Variants in DHRSX observed in about 807,000 individuals in gnomAD.
The protein encoded by DHRSX is polyprenol dehydrogenase.
A neutral mutation model predicts 34.0 loss-of-function variants in DHRSX; 31 were observed. That is an observed-to-expected ratio of 0.91 (90% confidence interval 0.69 to 1.23). DHRSX has a LOEUF of 1.23. Ranked by LOEUF, DHRSX falls within the 50% of genes most tolerant of loss-of-function variation. The pLI is 0.00. For missense variants in DHRSX, 414 were observed against 428.1 expected, an observed-to-expected ratio of 0.97 and a Z score of 0.29; for synonymous variants, 201 against 183.8, an observed-to-expected ratio of 1.09 and a Z score of -0.76.
At chrX:2,484,110 T>C (rs1314734251) in intron 1 of DHRSX, among the ~76,000 whole-genome samples, 11 of 152,128 alleles carry the variant, frequency 7.2e-5, no homozygotes, top group Non-Finnish European at 1.2e-4. Context: ...GTACCTGGGA[T>C]TACAGGTGCC....
chrX:2,360,011 C>G (rs1193403996), intron 3 of DHRSX, among the ~76,000 whole-genome samples: 1 of 151,994 alleles, frequency 6.6e-6, no homozygotes, highest in Non-Finnish European at 1.5e-5. Context: ...ACAACAAACC[C>G]CCATGACACG....
intron 1 of DHRSX, among the ~76,000 whole-genome samples, chrX:2,453,417 C>G (rs1257689670): frequency 1.2e-4 from 18 of 151,750 alleles, no homozygotes; most frequent in African/African-American, 3.6e-4. Context: ...TGCACCTGTA[C>G]TCCCAGCTAC....
chrX:2,344,094 G>A (rs190042009), intron 3 of DHRSX, among the ~76,000 whole-genome samples: 68 of 152,314 alleles, frequency 4.5e-4, no homozygotes, highest in African/African-American at 1.3e-3. Context: ...CCATACATGG[G>A]CCTGGTTTTC....
chrX:2,468,768 T>A (rs2044539104), intron 1 of DHRSX, among the ~76,000 whole-genome samples: 1 of 150,104 alleles, frequency 6.7e-6, no homozygotes, highest in African/African-American at 2.5e-5. Context: ...CACCACCGTG[T>A]ACACACTGAA....
chrX:2,393,627 T>TGG (rs2043366871), intron 3 of DHRSX, among the ~76,000 whole-genome samples: 2 of 71,430 alleles, frequency 2.8e-5, no homozygotes, highest in Admixed American at 1.5e-4. Flanking sequence ...CCCCGTCTCC[T>TGG]GCACACACGA....
chrX:2,424,374 G>A (rs1014896102), intron 2 of DHRSX, among the ~76,000 whole-genome samples: 3 of 152,106 alleles, frequency 2.0e-5, no homozygotes, highest in Non-Finnish European at 4.4e-5. Flanking sequence ...ACAGAGGGAC[G>A]ACCCTGTGAG....
intron 1 of DHRSX, among the ~76,000 whole-genome samples, chrX:2,452,277 G>C (rs2044232593): frequency 6.6e-6 from 1 of 151,756 alleles, no homozygotes; most frequent in African/African-American, 2.4e-5. Flanking sequence ...AGGTGGCTAA[G>C]GGACCACCAC....
chrX:2,371,873 G>T (rs1196484592), intron 3 of DHRSX, among the ~76,000 whole-genome samples: 1 of 152,180 alleles, frequency 6.6e-6, no homozygotes, highest in African/African-American at 2.4e-5. Context: ...GGACATCCCT[G>T]AAAGGTGTAC....
At chrX:2,309,291 G>A (rs1249965476) in intron 3 of DHRSX, among the ~76,000 whole-genome samples, 2 of 152,062 alleles carry the variant, frequency 1.3e-5, no homozygotes, top group Admixed American at 1.3e-4. Flanking sequence ...AAGAGTCTGA[G>A]GTGGTTTGTT....
chrX:2,342,719 T>G (rs866677050), intron 3 of DHRSX, among the ~76,000 whole-genome samples: 1 of 152,142 alleles, frequency 6.6e-6, no homozygotes, highest in Non-Finnish European at 1.5e-5. Flanking sequence ...CCCACGCTCA[T>G]AGCATCGACA....
At position 2,451,940 on chromosome X, in the gene DHRSX, T is replaced by A. The variant is rs189470014; in HGVS notation, c.110-26636A>T. Among the ~76,000 whole-genome samples the A allele has an allele frequency of 2.3e-3, 352 of 150,186 alleles. 2 individuals are homozygous for A. Among genetic ancestry groups the A allele is most frequent in the African/African-American group, 8.0e-3 (325 of 40,794 alleles). On this transcript the variant is annotated intron_variant, in intron 1 of 6. Coordinates refer to ENST00000334651, the MANE Select transcript of DHRSX (RefSeq NM_145177.3). The stretch of plus-strand genomic sequence containing the variant: ...GCATGTGGCTAAGAAACCACTGCCA[T>A]GTACACATTGAAGACATTCCCTAAG...
intron 3 of DHRSX, among the ~76,000 whole-genome samples, chrX:2,378,516 A>G (rs2043167616): frequency 6.6e-6 from 1 of 152,164 alleles, no homozygotes; most frequent in South Asian, 2.1e-4. Context: ...CCACCTGATA[A>G]ACAGTAAAGA....
intron 1 of DHRSX, chrX:2,488,516 G>T: frequency 1.6e-6 from 2 of 1,277,266 alleles, no homozygotes; most frequent in Non-Finnish European, 2.1e-6. Flanking sequence ...CCACCTTCTA[G>T]GTGTCAAAGA....
intron 5 of DHRSX, among the ~76,000 whole-genome samples, chrX:2,266,130 C>T (rs1182329015): frequency 6.8e-6 from 1 of 146,726 alleles, no homozygotes; most frequent in East Asian, 2.1e-4. Context: ...ACGGCAGACA[C>T]AGGGAGCACT....
At chrX:2,234,458 T>TC (rs1420248468) in intron 6 of DHRSX, among the ~76,000 whole-genome samples, 2 of 151,136 alleles carry the variant, frequency 1.3e-5, no homozygotes, top group Non-Finnish European at 2.9e-5. Flanking sequence ...ATTCAGTACC[T>TC]CCTTCCCTGC....
intron 1 of DHRSX, among the ~76,000 whole-genome samples, chrX:2,470,052 G>C (rs939667755): frequency 6.6e-6 from 1 of 151,660 alleles, no homozygotes; most frequent in Non-Finnish European, 1.5e-5. Context: ...GACACACAGT[G>C]GAATAGTATG....
chrX:2,232,734 A>G (rs1200413021), intron 6 of DHRSX, among the ~76,000 whole-genome samples: 1 of 151,970 alleles, frequency 6.6e-6, no homozygotes, highest in Non-Finnish European at 1.5e-5. Flanking sequence ...CACTACATCC[A>G]GCTAATTTTT....
At chrX:2,251,119 C>A (rs1280687032) in intron 5 of DHRSX, among the ~76,000 whole-genome samples, 4 of 152,130 alleles carry the variant, frequency 2.6e-5, no homozygotes, top group Admixed American at 1.3e-4. Context: ...ATCACGCAGC[C>A]ATGGGTAGCA....
chrX:2,306,799 G>T (rs1569486205), intron 3 of DHRSX, among the ~76,000 whole-genome samples: 1 of 152,044 alleles, frequency 6.6e-6, no homozygotes, highest in Non-Finnish European at 1.5e-5. Context: ...GATGATACAG[G>T]TTTTGTAGAA....
Sources: allele counts gnomAD v4.1 joint callset (sites outside exome capture counted in the v4.1 genomes callset), GRCh38; gene constraint gnomAD v4.1.1; transcripts MANE v1.5; gene names NCBI Gene and HGNC (gene_info 2026-07-23, HGNC 2026-07-21).